Variants in LPAR5 observed in about 807,000 individuals in gnomAD.
The protein encoded by LPAR5 is G protein-coupled receptor 92.
For missense variants in LPAR5, 544 were observed against 521.8 expected, an observed-to-expected ratio of 1.04 and a Z score of -0.41; for synonymous variants, 271 against 261.6, an observed-to-expected ratio of 1.04 and a Z score of -0.35.
intron 1 of LPAR5, among the ~76,000 whole-genome samples, chr12:6,627,579 G>A (rs937457598): frequency 3.2e-4 from 49 of 152,206 alleles, no homozygotes; most frequent in Non-Finnish European, 2.6e-4. Context: ...TGACAAAAGC[G>A]AAACTCCATC....
At chr12:6,634,663 G>A (rs1949000083) in intron 1 of LPAR5, among the ~76,000 whole-genome samples, 1 of 151,750 alleles carries the variant, frequency 6.6e-6, no homozygotes, top group Admixed American at 6.6e-5. Context: ...GGGCATGGTG[G>A]TGCCTGCCTG....
intron 1 of LPAR5, among the ~76,000 whole-genome samples, chr12:6,622,444 A>G (rs566557046): frequency 3.4e-4 from 51 of 150,214 alleles, no homozygotes; most frequent in African/African-American, 1.2e-3. Context: ...AAATAAATAA[A>G]ATAAAATAAA....
chr12:6,633,561 C>T (rs1028745354), intron 1 of LPAR5, among the ~76,000 whole-genome samples: 2 of 152,012 alleles, frequency 1.3e-5, no homozygotes, highest in Non-Finnish European at 1.5e-5. Flanking sequence ...TACAGGCGCC[C>T]GCCACCACGC....
chr12:6,624,671 A>T (rs1178105037), intron 1 of LPAR5, among the ~76,000 whole-genome samples: 1 of 152,042 alleles, frequency 6.6e-6, no homozygotes, highest in Non-Finnish European at 1.5e-5. Flanking sequence ...CGCAGGCTGG[A>T]GTGCAATGGC....
chr12:6,622,003 C>T (rs998071374), intron 1 of LPAR5, among the ~76,000 whole-genome samples: 1 of 151,860 alleles, frequency 6.6e-6, no homozygotes, highest in Admixed American at 6.6e-5. Context: ...TGGTGCACAC[C>T]TGTAATCCCA....
intron 1 of LPAR5, among the ~76,000 whole-genome samples, chr12:6,622,657 A>G (rs1387277108): frequency 1.3e-5 from 2 of 151,422 alleles, no homozygotes; most frequent in Non-Finnish European, 2.9e-5. Context: ...AGGCTGAGGC[A>G]GGGAGAATTG....
At chr12:6,635,343 C>G (rs1271504755) in intron 1 of LPAR5, among the ~76,000 whole-genome samples, 1 of 152,156 alleles carries the variant, frequency 6.6e-6, no homozygotes, top group African/African-American at 2.4e-5. Flanking sequence ...TCAGTCTAAT[C>G]CCCTTATATA....
chr12:6,623,720 C>T (rs1948912600), intron 1 of LPAR5, among the ~76,000 whole-genome samples: 1 of 152,178 alleles, frequency 6.6e-6, no homozygotes, highest in Non-Finnish European at 1.5e-5. Flanking sequence ...GCCCCCACCT[C>T]CTTTACATTC....
Position 6,620,597 on chromosome 12 carries a change from G to C in LPAR5, c.652C>G (p.Leu218Val), listed in dbSNP as rs1948884221. Residue 218 changes from leucine to valine, a missense_variant, in exon 2 of 2, where the codon CTG becomes GTG. Coordinates refer to ENST00000329858, the MANE Select transcript of LPAR5 (RefSeq NM_020400.6). The surrounding 1 kb of genome is among the most constrained non-coding windows in gnomAD (Gnocchi z 6.8). ...CTCTGCGTGGCGTCGGGGCGCGCCA[G>C]CGTCCAGAAGACTCGGCCCGACGAG... ...VYSSGRVFWT[L>V]ARPDATQSQR... 6.4e-7 allele frequency: 1 copy of C among 1,550,774 alleles called. No individual in the cohort carries two copies. The highest frequency in any genetic ancestry group is 8.7e-7 in the Non-Finnish European group (1 of 1,147,552).
At chr12:6,622,733 A>C (rs548846608) in intron 1 of LPAR5, among the ~76,000 whole-genome samples, 4 of 151,304 alleles carry the variant, frequency 2.6e-5, no homozygotes, top group Non-Finnish European at 5.9e-5. Flanking sequence ...ACAGAGCAAG[A>C]CTCTGTCTCA....
chr12:6,624,356 C>T (rs1049605074), intron 1 of LPAR5, among the ~76,000 whole-genome samples: 3 of 152,286 alleles, frequency 2.0e-5, no homozygotes, highest in South Asian at 2.1e-4. Flanking sequence ...GTTGCTTAAC[C>T]GTCACCACTC....
rs1948892610 is a variant in LPAR5 at position 6,621,127 on chromosome 12, G to A, written c.122C>T (p.Ala41Val). Residue 41 changes from alanine to valine, a missense_variant, in exon 2 of 2, where the codon GCG (alanine) becomes GTG (valine). Ala to Val is a moderately conservative substitution (Grantham distance 64, BLOSUM62 0). Transcript: ENST00000329858. The stretch of plus-strand genomic sequence containing the variant: ...GCGCAGGAAGACCCAGAGGGCTAGC[G>A]CGTTGAGGGGGAGCCCGGCAGCCAG... The part of the protein sequence containing the change: ...LVLAAGLPLN[A>V]LALWVFLRAL... 1.6e-5 allele frequency: 25 copies of A among 1,602,224 alleles called. No individual in the cohort carries two copies. Among genetic ancestry groups the A allele is most frequent in the Non-Finnish European group, 2.0e-5 (24 of 1,173,936 alleles).
Position 6,619,788 on chromosome 12 carries a change from C to T in LPAR5, c.*342G>A, listed in dbSNP as rs1434879300. The T allele has an allele frequency of 4.7e-6, 2 of 428,242 alleles. No individual in the cohort carries two copies. Among genetic ancestry groups the T allele is most frequent in the African/African-American group, 4.0e-5 (2 of 49,594 alleles). The allele number at this position is 428,242 out of a possible 1,614,324, so 26.5% of individuals were successfully genotyped here. On this transcript the variant is annotated 3_prime_UTR_variant, in exon 2 of 2. Transcript: ENST00000329858. ...CCTGTGGCGGTTTAGATCCAGAATG[C>T]CCATTTTCTGTTCCATCTAACCAGC...
chr12:6,631,951 C>T (rs936326157), intron 1 of LPAR5, among the ~76,000 whole-genome samples: 2 of 152,034 alleles, frequency 1.3e-5, no homozygotes, highest in Non-Finnish European at 2.9e-5. Flanking sequence ...CTGTCTTTTG[C>T]CTCCTTTCTT....
intron 1 of LPAR5, among the ~76,000 whole-genome samples, chr12:6,629,205 A>T (rs1167165121): frequency 6.7e-6 from 1 of 148,762 alleles, no homozygotes; most frequent in Non-Finnish European, 1.5e-5. Context: ...GTGAAACCTC[A>T]TCTCTACTGA....
chr12:6,621,094 CGCAGCGCGCGCAGGAAGACCCAGA>C lies in LPAR5; in HGVS notation c.131_154del (p.Leu44_Leu51del). The C allele has an allele frequency of 1.2e-6, 2 of 1,601,722 alleles. No homozygotes were observed. The highest frequency in any genetic ancestry group is 8.5e-7 in the Non-Finnish European group (1 of 1,173,060). ...GTACACGCTCACCACCGAGTGCACGCGCAGCGCGCGCAGGAAGACCCAGAGGGCTAGCGCGTTGAGGGGGAGCCC... is the reference window on the plus strand; with the variant it reads ...GTACACGCTCACCACCGAGTGCACGCGGGCTAGCGCGTTGAGGGGGAGCCC... On this transcript the variant is annotated inframe_deletion, in exon 2 of 2. Transcript: ENST00000329858.
At chr12:6,634,386 G>A (rs947120676) in intron 1 of LPAR5, among the ~76,000 whole-genome samples, 5 of 147,932 alleles carry the variant, frequency 3.4e-5, no homozygotes, top group Non-Finnish European at 6.0e-5. Context: ...AGGCAGAGGC[G>A]AATGGATCAC....
intron 1 of LPAR5, among the ~76,000 whole-genome samples, chr12:6,623,697 G>A (rs1055520748): frequency 5.9e-5 from 9 of 152,164 alleles, no homozygotes; most frequent in Non-Finnish European, 1.3e-4. Context: ...AGGGAACAAA[G>A]CAAAAAGTCT....
At chr12:6,628,491 TG>T (rs1048510330) in intron 1 of LPAR5, among the ~76,000 whole-genome samples, 44 of 151,932 alleles carry the variant, frequency 2.9e-4, no homozygotes, top group African/African-American at 1.0e-3. Flanking sequence ...GAGTTTCGCA[TG>T]CTCTGTCACC....
Sources: allele counts gnomAD v4.1 joint callset (sites outside exome capture counted in the v4.1 genomes callset), GRCh38; gene constraint gnomAD v4.1.1; non-coding constraint Gnocchi (gnomAD v3.1); transcripts MANE v1.5; gene names NCBI Gene and HGNC (gene_info 2026-07-23, HGNC 2026-07-21).